The following UBAP1 variants were observed in gnomAD, a reference collection of about 807,000 sequenced individuals.
UBAP1 encodes ubiquitin-associated protein 1.
A neutral mutation model predicts 39.0 loss-of-function variants in UBAP1; 5 were observed. The observed-to-expected ratio is 0.13, with a 90% CI of 0.07 to 0.27. UBAP1 has a LOEUF of 0.27. Among genes scored for constraint, UBAP1 ranks in the 10% least tolerant of loss-of-function variants. The pLI is 1.00. For synonymous variants in UBAP1, 211 were observed against 225.1 expected (o/e 0.94, Z 0.56); for missense variants, 490 against 608.1 (o/e 0.81, Z 2.04).
rs1831013501 is a variant in UBAP1 at position 34,195,924 on chromosome 9, TTGG to T, written c.-8+16686_-8+16688del. On this transcript the variant is annotated intron_variant, in intron 1 of 6. Coordinates refer to ENST00000297661, the MANE Select transcript of UBAP1 (RefSeq NM_016525.5). ...TCCTTTGGATTTCTATACAAATTTT[TTGG>T]TTTTTTTTTTTTTTTTTTTTTTTTT... 1.5e-5 allele frequency among the ~76,000 whole-genome samples: 2 copies of T among 132,456 alleles called. 1 individual carries two copies. Among genetic ancestry groups the T allele is most frequent in the Non-Finnish European group, 3.2e-5 (2 of 63,082 alleles). 86.9% of individuals were successfully genotyped at this position (132,456 alleles called of 152,430 possible). A position where few individuals can be genotyped will look rare whatever the true frequency, so the allele number is the denominator to read the frequency against.
At chr9:34,240,505 G>T (rs1833903709) in intron 3 of UBAP1, among the ~76,000 whole-genome samples, 1 of 152,108 alleles carries the variant, frequency 6.6e-6, no homozygotes, top group African/African-American at 2.4e-5. Context: ...TAATAGGTCT[G>T]TTTCTCTTAA....
chr9:34,229,501 C>T (rs960295771), intron 2 of UBAP1, among the ~76,000 whole-genome samples: 14 of 140,688 alleles, frequency 1.0e-4, no homozygotes, highest in African/African-American at 3.5e-4. Context: ...CGTGATCCTC[C>T]CACCTCAGCC....
At position 34,239,402 on chromosome 9, in the gene UBAP1, C is replaced by T. The variant is rs556530631; in HGVS notation, c.160-1783C>T. Among the ~76,000 whole-genome samples, 11 of 152,338 alleles carry T rather than the reference C, an allele frequency of 7.2e-5. No homozygotes were observed. In the East Asian group the frequency reaches 1.7e-3, roughly 24 times the overall value. ...AGTGTTGTATCTGGTCCCCTCCGTA[C>T]CCAGAGAACAGTCAGACCTAGAGCT... On this transcript the variant is annotated intron_variant, in intron 3 of 6. Transcript: ENST00000297661.
intron 1 of UBAP1, among the ~76,000 whole-genome samples, chr9:34,213,059 T>A (rs542912966): frequency 2.6e-4 from 40 of 152,282 alleles, no homozygotes; most frequent in African/African-American, 7.5e-4. Context: ...TTTAAGTCAA[T>A]AAATGTGATA....
At position 34,248,046 on chromosome 9, in the gene UBAP1, T is replaced by G. The variant is rs191151000; in HGVS notation, c.1084-1733T>G. 5.3e-5 allele frequency among the ~76,000 whole-genome samples: 8 copies of G among 151,982 alleles called. No individual in the cohort carries two copies. In the East Asian group the frequency reaches 1.5e-3, roughly 29 times the overall value. On this transcript the variant is annotated intron_variant, in intron 4 of 6. Coordinates refer to ENST00000297661, the MANE Select transcript of UBAP1 (RefSeq NM_016525.5). ...TGTATGTTTAAAATAGATACGATTTTTTTTTTTTTCAGACAGTCTCACTCT... is the reference window on the plus strand; with the variant it reads ...TGTATGTTTAAAATAGATACGATTTGTTTTTTTTTCAGACAGTCTCACTCT...
intron 4 of UBAP1, among the ~76,000 whole-genome samples, chr9:34,243,977 G>A (rs34223057): frequency 0.2 from 30,489 of 152,026 alleles, 3,653 homozygotes; most frequent in Non-Finnish European, 0.27. Context: ...AGCCTCCAGA[G>A]TAGCAGGGAT....
intron 2 of UBAP1, among the ~76,000 whole-genome samples, chr9:34,233,849 A>T (rs1833551779): frequency 1.3e-5 from 2 of 148,742 alleles, no homozygotes; most frequent in Non-Finnish European, 3.0e-5. Flanking sequence ...AGTTAGAAGG[A>T]ACAGTTGGTA....
chr9:34,220,757 C>T (rs1310386898), intron 1 of UBAP1, 151 bp from the exon 2 acceptor site: 6 of 620,278 alleles, frequency 9.7e-6, no homozygotes, highest in Admixed American at 3.0e-5. Context: ...GCCACAGTGC[C>T]TGGATCTTTT....
At chr9:34,226,075 C>G (rs1443247139) in intron 2 of UBAP1, among the ~76,000 whole-genome samples, 1 of 133,708 alleles carries the variant, frequency 7.5e-6, no homozygotes, top group Non-Finnish European at 1.6e-5. Context: ...CATAAACATT[C>G]ATTACCTTCT....
intron 1 of UBAP1, among the ~76,000 whole-genome samples, chr9:34,190,690 G>T (rs1471643058): frequency 6.9e-6 from 1 of 145,456 alleles, no homozygotes; most frequent in Non-Finnish European, 1.5e-5. Flanking sequence ...CTGGAGTGCA[G>T]TGATGCAGTC....
intron 1 of UBAP1, chr9:34,206,382 T>G (rs534317206): frequency 3.3e-5 from 5 of 152,092 alleles, no homozygotes; most frequent in African/African-American, 1.2e-4. Context: ...TGGTGTTGGG[T>G]GCCTGTGGTC....
At chr9:34,204,291 GACA>G (rs966439845) in intron 1 of UBAP1, among the ~76,000 whole-genome samples, 4 of 152,198 alleles carry the variant, frequency 2.6e-5, no homozygotes, top group East Asian at 3.9e-4. Flanking sequence ...TCTGTCTCAA[GACA>G]ACAACAACAA....
At chr9:34,225,410 T>C (rs573630800) in intron 2 of UBAP1, among the ~76,000 whole-genome samples, 1 of 152,206 alleles carries the variant, frequency 6.6e-6, no homozygotes, top group South Asian at 2.1e-4. Context: ...AGAAATATTA[T>C]CCATTTCTTA....
intron 1 of UBAP1, among the ~76,000 whole-genome samples, chr9:34,199,351 G>C (rs143818500): frequency 1.3e-5 from 2 of 152,184 alleles, no homozygotes; most frequent in African/African-American, 2.4e-5. Context: ...GGGATTACAG[G>C]CATGAGCCAC....
At chr9:34,193,761 A>G (rs1305572479) in intron 1 of UBAP1, among the ~76,000 whole-genome samples, 1 of 152,138 alleles carries the variant, frequency 6.6e-6, no homozygotes, top group Non-Finnish European at 1.5e-5. Context: ...TTGGGGCACC[A>G]CCATCCAGGA....
intron 2 of UBAP1, among the ~76,000 whole-genome samples, chr9:34,231,636 GTTT>G (rs68035152): frequency 4.2e-5 from 6 of 143,836 alleles, no homozygotes; most frequent in African/African-American, 1.0e-4. Flanking sequence ...AAATTTTTTT[GTTT>G]TTTTTTTTTG....
chr9:34,223,115 T>C (rs960073669), intron 2 of UBAP1, among the ~76,000 whole-genome samples: 6 of 152,172 alleles, frequency 3.9e-5, no homozygotes. Flanking sequence ...TCATAAAGAC[T>C]GGTATTTCCC....
intron 1 of UBAP1, chr9:34,211,944 T>A: frequency 5.3e-6 from 2 of 374,374 alleles, no homozygotes; most frequent in East Asian, 8.1e-5. Context: ...AAAAATAGAA[T>A]ATCACTGATA....
intron 4 of UBAP1, among the ~76,000 whole-genome samples, chr9:34,246,279 T>A (rs1381156354): frequency 6.6e-6 from 1 of 152,168 alleles, no homozygotes; most frequent in Non-Finnish European, 1.5e-5. Flanking sequence ...TTGTCCAGGC[T>A]GGTCTCAAAA....
Sources: allele counts gnomAD v4.1 joint callset (sites outside exome capture counted in the v4.1 genomes callset), GRCh38; gene constraint gnomAD v4.1.1; transcripts MANE v1.5; gene names NCBI Gene and HGNC (gene_info 2026-07-23, HGNC 2026-07-21).